The following PDE3B variants were observed in gnomAD, a reference collection of about 807,000 sequenced individuals.
The protein encoded by PDE3B is cGMP-inhibited 3',5'-cyclic phosphodiesterase 3B.
In PDE3B, 66 loss-of-function variants were observed where a neutral mutation model predicts 116.8. The observed-to-expected ratio is 0.56, with a 90% CI of 0.46 to 0.69. The LOEUF (loss-of-function observed/expected upper bound fraction) is 0.69. Among genes scored for constraint, PDE3B ranks in the 30% least tolerant of loss-of-function variants. The probability of loss-of-function intolerance (pLI) is 0.00; values close to 1 mark genes in which losing one functional copy is unlikely to be tolerated. For missense variants in PDE3B, 1,384 were observed against 1,368.1 expected (o/e 1.01, Z -0.18); for synonymous variants, 595 against 533.6 (o/e 1.12, Z -1.59).
chr11:14,749,201 A>G (rs1482629798), intron 1 of PDE3B, among the ~76,000 whole-genome samples: 2 of 152,026 alleles, frequency 1.3e-5, no homozygotes, highest in Non-Finnish European at 2.9e-5. Flanking sequence ...AGAACTTTCT[A>G]TTTTTGTATA....
intron 1 of PDE3B, among the ~76,000 whole-genome samples, chr11:14,729,241 G>C (rs1856393955): frequency 6.6e-6 from 1 of 152,210 alleles, no homozygotes; most frequent in Non-Finnish European, 1.5e-5. Context: ...TAGCTCAGTT[G>C]TTTTAGGAAT....
In PDE3B at chr11:14,789,259, CT is replaced by C; in HGVS notation, c.1415+21del. On this transcript the variant is annotated intron_variant, in intron 4 of 15. Coordinates refer to ENST00000282096, the MANE Select transcript of PDE3B (RefSeq NM_000922.4). ...CATTTCAAGGTAAAATCTGCAGAGC[CT>C]TTTAAGAAACTTGAATCAAATGCAT... 1 of 1,582,702 alleles carries C rather than the reference CT, an allele frequency of 6.3e-7. No homozygotes were observed. Among genetic ancestry groups the C allele is most frequent in the Non-Finnish European group, 8.6e-7 (1 of 1,164,212 alleles).
intron 1 of PDE3B, among the ~76,000 whole-genome samples, chr11:14,663,796 CTT>C (rs1565079517): frequency 6.6e-6 from 1 of 152,154 alleles, no homozygotes; most frequent in Non-Finnish European, 1.5e-5. Context: ...TACAAAGAGA[CTT>C]AGACTCCCAC....
intron 1 of PDE3B, among the ~76,000 whole-genome samples, chr11:14,671,235 G>T (rs2133780587): frequency 6.6e-6 from 1 of 152,290 alleles, no homozygotes; most frequent in Non-Finnish European, 1.5e-5. Context: ...GGATACTAGG[G>T]CTTTGGATGG....
In PDE3B at chr11:14,670,164, C is replaced by T. The variant is rs140856533; in HGVS notation, c.978+25111C>T. The stretch of plus-strand genomic sequence containing the variant: ...TGGGGCTTTCAGTTAAGAATATAGG[C>T]TCTGGATTTGCACCATCTGTGTTTA... On this transcript the variant is annotated intron_variant, in intron 1 of 15. Coordinates refer to ENST00000282096, the MANE Select transcript of PDE3B (RefSeq NM_000922.4). Among the ~76,000 whole-genome samples, 697 of 152,196 alleles carry T rather than the reference C, an allele frequency of 4.6e-3. 4 individuals carry two copies. The highest frequency in any genetic ancestry group is 0.016 in the African/African-American group (670 of 41,520).
At chr11:14,794,277 A>G (rs982388172) in intron 4 of PDE3B, among the ~76,000 whole-genome samples, 12 of 151,968 alleles carry the variant, frequency 7.9e-5, no homozygotes, top group Non-Finnish European at 1.3e-4. Flanking sequence ...TGTAGTAGAC[A>G]TAAGCTAGGT....
chr11:14,740,438 A>G (rs770007465), intron 1 of PDE3B, among the ~76,000 whole-genome samples: 10 of 152,150 alleles, frequency 6.6e-5, no homozygotes, highest in Non-Finnish European at 1.3e-4. Context: ...CCATGGGATC[A>G]GGGGTGATAT....
intron 1 of PDE3B, among the ~76,000 whole-genome samples, chr11:14,649,472 A>T (rs1395800525): frequency 2.6e-5 from 4 of 152,214 alleles, no homozygotes; most frequent in Non-Finnish European, 4.4e-5. Context: ...CGGGGACTAG[A>T]ACCTAGGTCT....
intron 1 of PDE3B, among the ~76,000 whole-genome samples, chr11:14,731,549 C>T (rs905076491): frequency 7.2e-5 from 11 of 152,034 alleles, no homozygotes; most frequent in African/African-American, 2.7e-4. Flanking sequence ...TGAGCCACCA[C>T]GCCTGGCCTT....
intron 1 of PDE3B, among the ~76,000 whole-genome samples, chr11:14,651,520 A>G (rs1340277730): frequency 6.6e-6 from 1 of 152,174 alleles, no homozygotes; most frequent in Non-Finnish European, 1.5e-5. Flanking sequence ...AAATTGATAC[A>G]TTTATATTTT....
At chr11:14,810,163 TTTTTC>T (rs1045158856) in intron 5 of PDE3B, among the ~76,000 whole-genome samples, 5 of 152,114 alleles carry the variant, frequency 3.3e-5, no homozygotes, top group African/African-American at 1.2e-4. Flanking sequence ...ATAACATTTT[TTTTTC>T]TTTTATTTAT....
chr11:14,734,457 C>T (rs1041574892), intron 1 of PDE3B, among the ~76,000 whole-genome samples: 5 of 152,112 alleles, frequency 3.3e-5, no homozygotes, highest in Admixed American at 6.5e-5. Flanking sequence ...AAGTAAATGT[C>T]CTTTGCAGTA....
chr11:14,889,809 C>G, the PDE3B span, among the ~76,000 whole-genome samples: 1 of 152,088 alleles, frequency 6.6e-6, no homozygotes, highest in East Asian at 1.9e-4. Flanking sequence ...ATTTGGAGGT[C>G]GAACAAATGT....
chr11:14,770,488 G>T (rs1857609444), intron 1 of PDE3B, among the ~76,000 whole-genome samples: 2 of 151,418 alleles, frequency 1.3e-5, no homozygotes, highest in African/African-American at 4.8e-5. Flanking sequence ...TTAATCTTAA[G>T]GAGCATTTTA....
chr11:14,708,234 T>C (rs1400061157), intron 1 of PDE3B, among the ~76,000 whole-genome samples: 2 of 152,010 alleles, frequency 1.3e-5, no homozygotes, highest in Non-Finnish European at 2.9e-5. Context: ...GCTTCTTTTT[T>C]TGTCATGTGG....
intron 1 of PDE3B, among the ~76,000 whole-genome samples, chr11:14,684,379 G>GA (rs1854803374): frequency 6.6e-6 from 1 of 152,146 alleles, no homozygotes; most frequent in African/African-American, 2.4e-5. Flanking sequence ...TTCAAAAGGA[G>GA]AGGGGGTACA....
intron 1 of PDE3B, among the ~76,000 whole-genome samples, chr11:14,682,488 T>C (rs556429810): frequency 6.6e-6 from 1 of 152,284 alleles, no homozygotes; most frequent in East Asian, 1.9e-4. Flanking sequence ...CTTTATTATG[T>C]TGGGGAGGTT....
chr11:14,839,986 C>T (rs936452481), intron 11 of PDE3B, among the ~76,000 whole-genome samples: 32 of 152,272 alleles, frequency 2.1e-4, no homozygotes, highest in Admixed American at 1.9e-3. Flanking sequence ...TTGAAATTCT[C>T]TACATAAAGG....
At chr11:14,830,267 T>C (rs753263837) in intron 7 of PDE3B, among the ~76,000 whole-genome samples, 2 of 152,168 alleles carry the variant, frequency 1.3e-5, no homozygotes, top group Non-Finnish European at 2.9e-5. Context: ...TTGGTAGAGA[T>C]ATAACTCACC....
Sources: gnomAD v4.1 joint callset for allele counts (sites outside exome capture counted in the v4.1 genomes callset) on GRCh38, gnomAD v4.1.1 for gene constraint, MANE v1.5 for transcripts, NCBI Gene and HGNC (gene_info 2026-07-23, HGNC 2026-07-21) for gene names.